Variants in SCIN observed in about 807,000 individuals in gnomAD.
The protein encoded by SCIN is scinderin.
SCIN carries 91 observed loss-of-function variants against 91.8 expected under a neutral mutation model. That is an observed-to-expected ratio of 0.99 (90% CI 0.84 to 1.18). The LOEUF (loss-of-function observed/expected upper bound fraction) is 1.18, where lower values mean the gene tolerates loss of function less well. Among genes scored for constraint, SCIN ranks in the 50% most tolerant of loss-of-function variants. The pLI is 0.00. For missense variants in SCIN, 1,087 were observed against 863.9 expected (o/e 1.26, Z -3.24); for synonymous variants, 367 against 312.6 (o/e 1.17, Z -1.84).
chr7:12,601,666 A>G (rs1159800607), intron 3 of SCIN, among the ~76,000 whole-genome samples: 1 of 152,200 alleles, frequency 6.6e-6, no homozygotes, highest in East Asian at 1.9e-4. Context: ...ACAAAAAAAA[A>G]TCACTGACTT....
intron 3 of SCIN, among the ~76,000 whole-genome samples, chr7:12,591,759 T>C (rs1282685407): frequency 6.6e-6 from 1 of 152,040 alleles, no homozygotes; most frequent in Non-Finnish European, 1.5e-5. Context: ...ATTTCGCTTT[T>C]GGAGGAGGGT....
rs990992607 is a variant in SCIN, at chr7:12,651,155, G to C, written c.1960-686G>C. ...CATTTTGAAGTTACAGAAAGAATGG[G>C]GGATTGCAGGATGGCAAAACTGGTT... On this transcript the variant is annotated intron_variant, in intron 14 of 15. Transcript: ENST00000297029. This position sits in a 1 kb window ranked among gnomAD's most constrained non-coding sequence, Gnocchi z 5.9. 2.6e-5 allele frequency among the ~76,000 whole-genome samples: 4 copies of C among 152,222 alleles called. No homozygotes were observed. Among genetic ancestry groups the C allele is most frequent in the Admixed American group, 6.5e-5 (1 of 15,290 alleles).
chr7:12,606,848 T>C (rs849782), intron 4 of SCIN, among the ~76,000 whole-genome samples: 32,835 of 152,222 alleles, frequency 0.22, 3,904 homozygotes, highest in African/African-American at 0.32. Context: ...TGGATTTTCA[T>C]TGGTTAGAAT....
chr7:12,618,712 G>T (rs1783347557), intron 4 of SCIN, among the ~76,000 whole-genome samples: 1 of 151,918 alleles, frequency 6.6e-6, no homozygotes, highest in Non-Finnish European at 1.5e-5. Context: ...ATAACAACAA[G>T]GATTAGCTTC....
At position 12,653,202 on chromosome 7, in the gene SCIN, A is replaced by G. The variant is rs1051526734; in HGVS notation, c.*487A>G. On this transcript the variant is annotated 3_prime_UTR_variant, in exon 16 of 16. Coordinates refer to ENST00000297029, the MANE Select transcript of SCIN (RefSeq NM_001112706.3). This position sits in a 1 kb window ranked among gnomAD's most constrained non-coding sequence, Gnocchi z 4.1. ...TCACCTGGAGTTTTCTTACGTTAAT[A>G]CATTAAAATAACCTGAAGGAAACTT... 5.3e-5 allele frequency: 8 copies of G among 152,252 alleles called. No individual in the cohort carries two copies. Among genetic ancestry groups the G allele is most frequent in the African/African-American group, 1.9e-4 (8 of 41,406 alleles). 9.4% of individuals were successfully genotyped at this position (152,252 alleles called of 1,614,324 possible). A position where few individuals can be genotyped will look rare whatever the true frequency, so the allele number is the denominator to read the frequency against.
rs554746371 is a variant in SCIN, at chr7:12,632,217, G to A, written c.1319+2995G>A. On this transcript the variant is annotated intron_variant, in intron 9 of 15. Transcript: ENST00000297029. Reference sequence around the variant, plus strand: ...CCACTCTTGGCTCATTGCAACCTCCGCCTCCCGGGTTCAAGCTATTCTCCT... The same window carrying A: ...CCACTCTTGGCTCATTGCAACCTCCACCTCCCGGGTTCAAGCTATTCTCCT... Among the ~76,000 whole-genome samples, 106 of 151,320 alleles carry A rather than the reference G, an allele frequency of 7.0e-4. 1 individual carries two copies. Among genetic ancestry groups the A allele is most frequent in the African/African-American group, 2.2e-3 (92 of 41,198 alleles).
At position 12,652,844 on chromosome 7, in the gene SCIN, C is replaced by A; in HGVS notation, c.*129C>A. 1.8e-6 allele frequency: 2 copies of A among 1,119,824 alleles called. No homozygotes were observed. Among genetic ancestry groups the A allele is most frequent in the Non-Finnish European group, 2.5e-6 (2 of 793,056 alleles). 69.4% of individuals were successfully genotyped at this position (1,119,824 alleles called of 1,614,324 possible). A position where few individuals can be genotyped will look rare whatever the true frequency, so the allele number is the denominator to read the frequency against. ...TAAGGCTGGGCGCGGTGGCTCACAC[C>A]TGTAATCCCAGCACTTTGAGAGGAT... On this transcript the variant is annotated 3_prime_UTR_variant, in exon 16 of 16. Transcript: ENST00000297029.
chr7:12,580,248 A>G (rs1437196711), intron 2 of SCIN, among the ~76,000 whole-genome samples: 1 of 152,104 alleles, frequency 6.6e-6, no homozygotes, highest in East Asian at 1.9e-4. Flanking sequence ...ATTAATTATA[A>G]TTAATAGTAG....
intron 4 of SCIN, among the ~76,000 whole-genome samples, chr7:12,605,531 A>G (rs1373771516): frequency 1.3e-5 from 2 of 152,240 alleles, no homozygotes; most frequent in East Asian, 3.8e-4. Context: ...AAGTCTAAAC[A>G]TGAAACTCAT....
chr7:12,642,757 T>C lies in SCIN; in HGVS notation c.1582-1381T>C, dbSNP rs117532315. On this transcript the variant is annotated intron_variant, in intron 11 of 15. Transcript: ENST00000297029. ...AGCAATTCTTTTTTCACTAGGTGAATGTATCCCCACACTTACAATGGTTTC... is the reference window on the plus strand; with the variant it reads ...AGCAATTCTTTTTTCACTAGGTGAACGTATCCCCACACTTACAATGGTTTC... 6.2e-3 allele frequency among the ~76,000 whole-genome samples: 940 copies of C among 152,028 alleles called. 5 individuals are homozygous for C. The highest frequency in any genetic ancestry group is 0.01 in the Non-Finnish European group (695 of 67,994).
Position 12,652,581 on chromosome 7 carries a change from T to C in SCIN, c.2021-7T>C, listed in dbSNP as rs1385883170. 1 of 1,611,962 alleles carries C rather than the reference T, an allele frequency of 6.2e-7. No homozygotes were observed. The highest frequency in any genetic ancestry group is 8.5e-7 in the Non-Finnish European group (1 of 1,179,090). On this transcript the variant is annotated splice_polypyrimidine_tract_variant and splice_region_variant and intron_variant, in intron 15 of 15. Coordinates refer to ENST00000297029, the MANE Select transcript of SCIN (RefSeq NM_001112706.3). ...CTGAATTTATATGTCTTTACAACTT[T>C]TTTTAGCCAAAATGTACCTTGAGAC... is the stretch of plus-strand genomic sequence containing the variant.
chr7:12,615,696 G>C (rs1476997248), intron 4 of SCIN, among the ~76,000 whole-genome samples: 1 of 151,812 alleles, frequency 6.6e-6, no homozygotes, highest in Non-Finnish European at 1.5e-5. Context: ...GGTAATTGAG[G>C]TACACATTTT....
Position 12,617,108 on chromosome 7 carries a change from A to G in SCIN, c.667-5693A>G, listed in dbSNP as rs563350080. 3.3e-5 allele frequency among the ~76,000 whole-genome samples: 5 copies of G among 152,254 alleles called. No individual in the cohort carries two copies. In the East Asian group the frequency reaches 7.7e-4, roughly 24 times the overall value. Reference sequence around the variant, plus strand: ...TGGCAAGAAGTCCAGTGGTAAAATCATTATGCAAAGGATTAGTCCAGTAAT... The same window carrying G: ...TGGCAAGAAGTCCAGTGGTAAAATCGTTATGCAAAGGATTAGTCCAGTAAT... On this transcript the variant is annotated intron_variant, in intron 4 of 15. Transcript: ENST00000297029.
At chr7:12,619,805 A>T (rs1280494641) in intron 4 of SCIN, among the ~76,000 whole-genome samples, 2 of 152,078 alleles carry the variant, frequency 1.3e-5, no homozygotes, top group Admixed American at 1.3e-4. Context: ...GGAGCACCCA[A>T]TTCAGAATAA....
intron 3 of SCIN, among the ~76,000 whole-genome samples, chr7:12,594,832 A>G (rs1782805352): frequency 6.6e-6 from 1 of 152,152 alleles, no homozygotes; most frequent in Admixed American, 6.5e-5. Flanking sequence ...CCTGGAGGCC[A>G]GAGGAAGCCC....
At chr7:12,633,959 G>A (rs7797479) in intron 9 of SCIN, among the ~76,000 whole-genome samples, 35,220 of 146,344 alleles carry the variant, frequency 0.24, 5,079 homozygotes, top group Admixed American at 0.38. Flanking sequence ...CAACATTTGT[G>A]TGCATGTTTT....
intron 4 of SCIN, among the ~76,000 whole-genome samples, chr7:12,609,939 G>T (rs1333247141): frequency 1.3e-5 from 2 of 152,186 alleles, no homozygotes; most frequent in Admixed American, 6.6e-5. Context: ...CAAGTGCAGG[G>T]TTGGTTCCCA....
chr7:12,654,371 A>T lies in SCIN; in HGVS notation c.*1656A>T, dbSNP rs1784134633. ...ACTTCAACTTGATTATGACCATGTG[A>T]CCCAATTCTGACATTTGCCTAAAGG... On this transcript the variant is annotated 3_prime_UTR_variant, in exon 16 of 16. Coordinates refer to ENST00000297029, the MANE Select transcript of SCIN (RefSeq NM_001112706.3). 6.6e-6 allele frequency: 1 copy of T among 152,098 alleles called. No homozygotes were observed. Among genetic ancestry groups the T allele is most frequent in the Non-Finnish European group, 1.5e-5 (1 of 68,006 alleles). 9.4% of individuals were successfully genotyped at this position (152,098 alleles called of 1,614,324 possible).
chr7:12,593,204 G>GC (rs1782763396), intron 3 of SCIN, among the ~76,000 whole-genome samples: 2 of 152,360 alleles, frequency 1.3e-5, no homozygotes, highest in Middle Eastern at 3.4e-3. Flanking sequence ...GAGGTTTGCT[G>GC]CTATCAGGTC....
Sources: allele counts gnomAD v4.1 joint callset (sites outside exome capture counted in the v4.1 genomes callset), GRCh38; gene constraint gnomAD v4.1.1; non-coding constraint Gnocchi (gnomAD v3.1); transcripts MANE v1.5; gene names NCBI Gene and HGNC (gene_info 2026-07-23, HGNC 2026-07-21).